CSMD1: variants seen among roughly 807,000 people sequenced by gnomAD.
The protein encoded by CSMD1 is CUB and sushi domain-containing protein 1.
Under a neutral mutation model 417.5 loss-of-function variants are expected in CSMD1, and 213 were observed. The ratio of observed to expected loss-of-function variants is 0.51; its 90% CI spans 0.46 to 0.57. The LOEUF (loss-of-function observed/expected upper bound fraction) is 0.57. Ranked by LOEUF, CSMD1 falls within the 20% of genes least tolerant of loss-of-function variation. CSMD1 has a pLI of 0.00. For missense variants in CSMD1, 6,923 were observed against 4,529.7 expected (o/e 1.53, Z -15.17); for synonymous variants, 2,862 against 1,736.8 (o/e 1.65, Z -16.11).
At chr8:3,673,466 G>A (rs142384296) in intron 7 of CSMD1, among the ~76,000 whole-genome samples, 2 of 152,278 alleles carry the variant, frequency 1.3e-5, no homozygotes, top group Admixed American at 6.5e-5. Flanking sequence ...CTTATGACAA[G>A]CAAGAATGTG....
At chr8:3,417,173 G>A (rs772683541) in intron 12 of CSMD1, among the ~76,000 whole-genome samples, 45 of 152,186 alleles carry the variant, frequency 3.0e-4, no homozygotes, top group Non-Finnish European at 2.8e-4. Flanking sequence ...ACCATGAAGA[G>A]TTGAGATTCT....
At chr8:3,154,221 C>T (rs1819376879) in intron 39 of CSMD1, among the ~76,000 whole-genome samples, 1 of 152,204 alleles carries the variant, frequency 6.6e-6, no homozygotes, top group African/African-American at 2.4e-5. Context: ...GATCCACCTG[C>T]CTCGGCCTCC....
intron 54 of CSMD1, among the ~76,000 whole-genome samples, chr8:2,979,633 C>A (rs1256096387): frequency 1.3e-5 from 2 of 152,222 alleles, no homozygotes; most frequent in East Asian, 3.8e-4. Context: ...CTCTGCACAT[C>A]ATGAGTCCCA....
intron 3 of CSMD1, among the ~76,000 whole-genome samples, chr8:4,033,475 T>C (rs1268544075): frequency 6.6e-6 from 1 of 152,084 alleles, no homozygotes; most frequent in Non-Finnish European, 1.5e-5. Context: ...AAAAAACCTT[T>C]GATTCTACCT....
At chr8:4,379,285 A>G (rs1802949583) in intron 3 of CSMD1, among the ~76,000 whole-genome samples, 1 of 152,184 alleles carries the variant, frequency 6.6e-6, no homozygotes, top group Admixed American at 6.5e-5. Flanking sequence ...AGAAATCTTC[A>G]AAACTGTCAA....
At chr8:4,692,958 G>A (rs527633545) in intron 1 of CSMD1, among the ~76,000 whole-genome samples, 1 of 152,150 alleles carries the variant, frequency 6.6e-6, no homozygotes, top group South Asian at 2.1e-4. Flanking sequence ...TCCCCAAGAG[G>A]TCACCTGCCT....
intron 2 of CSMD1, among the ~76,000 whole-genome samples, chr8:4,535,158 A>T (rs1169816724): frequency 6.6e-6 from 1 of 152,236 alleles, no homozygotes; most frequent in East Asian, 1.9e-4. Context: ...TGAAAATTAT[A>T]TAATGCAGTA....
At chr8:3,087,551 T>C (rs1814632241) in intron 48 of CSMD1, among the ~76,000 whole-genome samples, 1 of 151,958 alleles carries the variant, frequency 6.6e-6, no homozygotes, top group Non-Finnish European at 1.5e-5. Context: ...ACATCAAGAG[T>C]ATCCAATCTT....
intron 10 of CSMD1, among the ~76,000 whole-genome samples, chr8:3,502,615 G>A (rs561748563): frequency 3.9e-5 from 6 of 152,244 alleles, no homozygotes; most frequent in Admixed American, 2.0e-4. Context: ...AATTTTAGAA[G>A]GTGACGTGTT....
rs575549042 is a variant in CSMD1, at chr8:3,107,113, CAG to C, written c.6836-474_6836-473del. The C allele has an allele frequency of 1.3e-4, 20 of 155,674 alleles. No homozygotes were observed. In the South Asian group the frequency reaches 3.6e-3, roughly 28 times the overall value. 9.6% of individuals were successfully genotyped at this position (155,674 alleles called of 1,614,324 possible). A position where few individuals can be genotyped will look rare whatever the true frequency, so the allele number is the denominator to read the frequency against. On this transcript the variant is annotated intron_variant, in intron 45 of 69. Transcript: ENST00000635120. ...TTGACCAGTGGTCTGAAACACAGGG[CAG>C]AGTTTTATAACTGGGGCTGAAAAAT...
Position 3,753,938 on chromosome 8 carries a change from T to G in CSMD1, c.923A>C (p.Gln308Pro). The G allele has an allele frequency of 6.2e-7, 1 of 1,608,380 alleles. No homozygotes were observed. The highest frequency in any genetic ancestry group is 8.5e-7 in the Non-Finnish European group (1 of 1,175,206). Residue 308 changes from glutamine (Q) to proline (P), a missense_variant, in exon 6 of 70, where the codon CAG (glutamine) becomes CCG (proline). Physicochemically the swap from Gln to Pro is moderately conservative, Grantham distance 76 (BLOSUM62 -1). Coordinates refer to ENST00000635120, the MANE Select transcript of CSMD1 (RefSeq NM_033225.6). Reference protein sequence around the residue: ...SNHRRKGFNAQFQVKKAIELK... With the variant: ...SNHRRKGFNAPFQVKKAIELK... ...AGATGGAGCATCCTTACCTTGGAAC[T>G]GAGCGTTAAATCCTTTGCGTCGGTG...
chr8:3,994,860 G>C (rs1159533719), intron 5 of CSMD1, among the ~76,000 whole-genome samples: 4 of 152,094 alleles, frequency 2.6e-5, no homozygotes, highest in Non-Finnish European at 5.9e-5. Context: ...TTTCCAAGTA[G>C]CTTCTTCTGA....
chr8:3,722,108 C>G (rs757203508), intron 6 of CSMD1, among the ~76,000 whole-genome samples: 1 of 151,952 alleles, frequency 6.6e-6, no homozygotes, highest in Non-Finnish European at 1.5e-5. Context: ...TTTGGGAGGC[C>G]GAGGCAGGTG....
chr8:3,907,070 C>G (rs1018171824), intron 5 of CSMD1, among the ~76,000 whole-genome samples: 12 of 152,124 alleles, frequency 7.9e-5, no homozygotes, highest in Non-Finnish European at 1.2e-4. Context: ...AATGTCGTAG[C>G]TAGTAATCAC....
chr8:3,276,181 C>G (rs916701189), intron 26 of CSMD1, among the ~76,000 whole-genome samples: 3 of 151,966 alleles, frequency 2.0e-5, no homozygotes, highest in Admixed American at 1.3e-4. Context: ...TGTTGGAGTA[C>G]TCGGCCGTGT....
chr8:3,869,226 G>A (rs1805314424), intron 5 of CSMD1, among the ~76,000 whole-genome samples: 1 of 152,106 alleles, frequency 6.6e-6, no homozygotes, highest in Admixed American at 6.5e-5. Flanking sequence ...TTTCTCTGAT[G>A]CTCTGCCTAG....
chr8:3,305,289 A>G (rs1226460878), intron 25 of CSMD1, among the ~76,000 whole-genome samples: 3 of 151,982 alleles, frequency 2.0e-5, no homozygotes, highest in Admixed American at 1.3e-4. Flanking sequence ...CAGATCAATA[A>G]TCATCAAATT....
chr8:3,090,594 G>C (rs1263258929), intron 48 of CSMD1, among the ~76,000 whole-genome samples: 1 of 152,018 alleles, frequency 6.6e-6, no homozygotes, highest in Non-Finnish European at 1.5e-5. Flanking sequence ...ACTGTTTCCT[G>C]GTTTTCCCTT....
At chr8:4,471,012 G>C (rs990170186) in intron 2 of CSMD1, among the ~76,000 whole-genome samples, 9 of 152,024 alleles carry the variant, frequency 5.9e-5, no homozygotes, top group African/African-American at 1.9e-4. Context: ...TTATGTACGA[G>C]GATTCTATGA....
Sources: allele counts gnomAD v4.1 joint callset (sites outside exome capture counted in the v4.1 genomes callset), GRCh38; gene constraint gnomAD v4.1.1; transcripts MANE v1.5; gene names NCBI Gene and HGNC (gene_info 2026-07-23, HGNC 2026-07-21).